The following CDH18 variants were observed in gnomAD, a reference collection of about 807,000 sequenced individuals.
CDH18 encodes cadherin-18.
Under a neutral mutation model 67.9 loss-of-function variants are expected in CDH18, and 31 were observed. The ratio of observed to expected loss-of-function variants is 0.46; its 90% confidence interval spans 0.34 to 0.62. The LOEUF (loss-of-function observed/expected upper bound fraction) is 0.62. Ranked by LOEUF, CDH18 falls within the 20% of genes least tolerant of loss-of-function variation. The pLI, the probability that CDH18 is intolerant of heterozygous loss-of-function variation, is 0.01. For missense variants in CDH18, 890 were observed against 975.5 expected (o/e 0.91, Z 1.17); for synonymous variants, 362 against 347.2 (o/e 1.04, Z -0.48).
chr5:19,648,284 G>A (rs57427323), intron 5 of CDH18, among the ~76,000 whole-genome samples: 5,209 of 151,950 alleles, frequency 0.034, 300 homozygotes, highest in African/African-American at 0.12. Context: ...ATGTGGTGGC[G>A]CCCAGCTTTA....
chr5:20,059,128 T>C (rs188689976), intron 2 of CDH18, among the ~76,000 whole-genome samples: 67 of 152,338 alleles, frequency 4.4e-4, no homozygotes, highest in African/African-American at 1.5e-3. Context: ...GAAGTGTTTA[T>C]AGTATTCTCT....
chr5:20,187,018 G>A (rs186839256), intron 2 of CDH18, among the ~76,000 whole-genome samples: 4 of 151,988 alleles, frequency 2.6e-5, no homozygotes, highest in African/African-American at 7.2e-5. Flanking sequence ...TTGAAGACAC[G>A]TTAAGTGAAA....
chr5:19,660,467 G>A (rs1026515667), intron 5 of CDH18, among the ~76,000 whole-genome samples: 4 of 152,032 alleles, frequency 2.6e-5, no homozygotes, highest in African/African-American at 7.2e-5. Flanking sequence ...ACTCAGTCAC[G>A]CCTGCTGAAA....
intron 3 of CDH18, among the ~76,000 whole-genome samples, chr5:19,792,167 G>T (rs1776430789): frequency 6.6e-6 from 1 of 152,046 alleles, no homozygotes; most frequent in Non-Finnish European, 1.5e-5. Context: ...AGTAGATAGA[G>T]TAAAAAAGAT....
rs1452993700 is a variant in CDH18, at chr5:19,764,124, G to T, written c.229-16888C>A. ...GTGGAGCTTGCAGTTAGCCAAGATC[G>T]TGCCACTGTACTCTGCACTCCAGCC... On this transcript the variant is annotated intron_variant, in intron 3 of 12. Transcript: ENST00000382275. 2.0e-5 allele frequency among the ~76,000 whole-genome samples: 3 copies of T among 149,180 alleles called. No individual in the cohort carries two copies. The Admixed American group carries it at 2.0e-4, about 10-fold the overall frequency.
intron 1 of CDH18, chr5:20,303,929 A>C (rs572773787): frequency 3.1e-6 from 2 of 655,608 alleles, no homozygotes; most frequent in African/African-American, 1.8e-5. Context: ...TTCCTCTCAA[A>C]AGTTTTAAGT....
chr5:19,613,411 C>T (rs7730733), intron 5 of CDH18, among the ~76,000 whole-genome samples: 8,774 of 152,062 alleles, frequency 0.058, 290 homozygotes, highest in Non-Finnish European at 0.074. Context: ...CATATTAACA[C>T]GTATCAAAGA....
chr5:19,808,066 C>G (rs552753789), intron 3 of CDH18, among the ~76,000 whole-genome samples: 2 of 151,996 alleles, frequency 1.3e-5, no homozygotes, highest in African/African-American at 4.8e-5. Flanking sequence ...AAGCACCAAA[C>G]AATAGAAAAC....
chr5:19,482,741 T>G (rs774743168), intron 12 of CDH18, among the ~76,000 whole-genome samples: 1 of 152,220 alleles, frequency 6.6e-6, no homozygotes, highest in Non-Finnish European at 1.5e-5. Context: ...GTTACACTCT[T>G]TTTTCACGTG....
At chr5:20,505,857 T>C (rs1052683186) in intron 1 of CDH18, among the ~76,000 whole-genome samples, 24 of 152,230 alleles carry the variant, frequency 1.6e-4, no homozygotes, top group African/African-American at 5.1e-4. Flanking sequence ...AATGGCAGCA[T>C]GCATTGGACT....
intron 5 of CDH18, among the ~76,000 whole-genome samples, chr5:19,673,691 T>C (rs1023093902): frequency 6.6e-6 from 1 of 152,096 alleles, no homozygotes; most frequent in African/African-American, 2.4e-5. Flanking sequence ...TTCAAAAGCA[T>C]ATCATATTTT....
chr5:20,463,310 A>G (rs1008327349), intron 1 of CDH18, among the ~76,000 whole-genome samples: 1 of 152,048 alleles, frequency 6.6e-6, no homozygotes, highest in Non-Finnish European at 1.5e-5. Context: ...AAGAAAAAAA[A>G]AAAGAGACAA....
intron 3 of CDH18, among the ~76,000 whole-genome samples, chr5:19,762,522 C>A (rs1160733678): frequency 1.3e-5 from 2 of 152,116 alleles, no homozygotes; most frequent in African/African-American, 4.8e-5. Flanking sequence ...CAGAGAAATG[C>A]AAATCAAAAC....
rs932348775 is a variant in CDH18 at position 19,889,665 on chromosome 5, T to C, written c.-256-50423A>G. 1.2e-4 allele frequency among the ~76,000 whole-genome samples: 18 copies of C among 152,054 alleles called. 1 individual carries two copies. Among genetic ancestry groups the C allele is most frequent in the African/African-American group, 4.1e-4 (17 of 41,424 alleles). On this transcript the variant is annotated intron_variant, in intron 2 of 12. Transcript: ENST00000382275. ...GCCTAGGGTTTTCCTTAAGGGAAGG[T>C]TTTTATAGTACTTGACTTTTAAAAT...
rs56003449 is a variant in CDH18, at chr5:20,299,403, T to TACAC, written c.-579-43902_-579-43899dup. 2.0e-3 allele frequency among the ~76,000 whole-genome samples: 283 copies of TACAC among 138,768 alleles called. 1 individual carries two copies. Among genetic ancestry groups the TACAC allele is most frequent in the African/African-American group, 6.5e-3 (242 of 37,462 alleles). 91.0% of individuals were successfully genotyped at this position (138,768 alleles called of 152,430 possible). On this transcript the variant is annotated intron_variant, in intron 1 of 14. Coordinates refer to the CDH18 transcript ENST00000507958. ...AAAGCCCCAAATCATCAACATTAGCTACACACACACACACACACACACACA... is the reference window on the plus strand; with the variant it reads ...AAAGCCCCAAATCATCAACATTAGCTACACACACACACACACACACACACACACA...
chr5:19,535,399 T>A (rs1749256890), intron 9 of CDH18, among the ~76,000 whole-genome samples: 2 of 152,176 alleles, frequency 1.3e-5, no homozygotes, highest in Non-Finnish European at 2.9e-5. Context: ...ACAAATTGCA[T>A]ACATCAAAAT....
chr5:19,657,055 A>G (rs1044424038), intron 5 of CDH18, among the ~76,000 whole-genome samples: 2 of 152,050 alleles, frequency 1.3e-5, no homozygotes, highest in African/African-American at 4.8e-5. Flanking sequence ...GTCTTACAGG[A>G]TATGTAACAT....
chr5:20,274,524 T>A (rs1391998814), intron 1 of CDH18, among the ~76,000 whole-genome samples: 2 of 152,174 alleles, frequency 1.3e-5, no homozygotes, highest in African/African-American at 2.4e-5. Context: ...ATATTCCTTA[T>A]CTTGATTTTT....
chr5:20,230,285 A>C (rs1741962263), intron 2 of CDH18, among the ~76,000 whole-genome samples: 1 of 152,132 alleles, frequency 6.6e-6, no homozygotes, highest in Admixed American at 6.5e-5. Flanking sequence ...TAAGCTCATC[A>C]TCCACTAAAC....
Sources: allele counts gnomAD v4.1 joint callset (sites outside exome capture counted in the v4.1 genomes callset), GRCh38; gene constraint gnomAD v4.1.1; transcripts MANE v1.5; gene names NCBI Gene and HGNC (gene_info 2026-07-23, HGNC 2026-07-21).